POGLUT2: variants seen among roughly 807,000 people sequenced by gnomAD.
The protein encoded by POGLUT2 is ER protein 58.
A neutral mutation model predicts 57.6 loss-of-function variants in POGLUT2; 47 were observed. The ratio of observed to expected loss-of-function variants is 0.82; its 90% CI spans 0.65 to 1.04. The LOEUF is 1.04. Among genes scored for constraint, POGLUT2 ranks in the 50% least tolerant of loss-of-function variants. The pLI, the probability that POGLUT2 is intolerant of heterozygous loss-of-function variation, is 0.00. For missense variants in POGLUT2, 565 were observed against 614.8 expected (o/e 0.92, Z 0.86); for synonymous variants, 200 against 218.8 (o/e 0.91, Z 0.76).
chr13:102,797,143 T>C, intron 1 of POGLUT2, 134 bp from the exon 2 acceptor site: 1 of 619,312 alleles, frequency 1.6e-6, no homozygotes, highest in Non-Finnish European at 2.9e-6. Flanking sequence ...TCTTCTTCTC[T>C]TATGCTTTTA....
In POGLUT2 at chr13:102,789,017, C is replaced by T; in HGVS notation, c.1288G>A (p.Glu430Lys). 2 of 1,613,222 alleles carry T rather than the reference C, an allele frequency of 1.2e-6. No homozygotes were observed. The highest frequency in any genetic ancestry group is 1.3e-5 in the African/African-American group (1 of 75,024). The change falls in exon 7 of 10, where the codon GAA becomes AAA. Residue 430 changes from glutamate to lysine, a missense_variant. By Grantham distance (56) the Glu-to-Lys change is moderately conservative. Coordinates refer to ENST00000376004, the MANE Select transcript of POGLUT2 (RefSeq NM_024089.3). Reference protein sequence around the residue: ...EKLKWAKDHDEEAKKIAKAGQ... With the variant: ...EKLKWAKDHDKEAKKIAKAGQ... Reference sequence around the variant, plus strand: ...TTCAAGGGGACTAACCTTACCTCTTCATCGTGATCTTTCGCCCATTTAAGT... The same window carrying T: ...TTCAAGGGGACTAACCTTACCTCTTTATCGTGATCTTTCGCCCATTTAAGT...
At chr13:102,795,059 C>G (rs879007602) in intron 2 of POGLUT2, among the ~76,000 whole-genome samples, 1 of 150,546 alleles carries the variant, frequency 6.6e-6, no homozygotes, top group Non-Finnish European at 1.5e-5. Context: ...CGAGACCATC[C>G]TGGTCAACAT....
chr13:102,798,391 C>T (rs1387210169), intron 1 of POGLUT2, 98 bp downstream of exon 1: 6 of 1,124,496 alleles, frequency 5.3e-6, no homozygotes, highest in Non-Finnish European at 7.6e-6. Context: ...GGAATATAAA[C>T]TGCTGTGGAG....
At chr13:102,789,891 C>T (rs1023178491) in intron 6 of POGLUT2, among the ~76,000 whole-genome samples, 1 of 152,216 alleles carries the variant, frequency 6.6e-6, no homozygotes, top group Non-Finnish European at 1.5e-5. Flanking sequence ...AGCCATCACG[C>T]CTGGCTAACC....
intron 2 of POGLUT2, 51 bp from the exon 3 acceptor site, chr13:102,793,857 T>C: frequency 6.7e-7 from 1 of 1,483,778 alleles, no homozygotes. Flanking sequence ...CACTCAGCAT[T>C]CGAAACTTGT....
rs529061264 is a variant in POGLUT2 at position 102,796,584 on chromosome 13, C to T, written c.388+220G>A. Among the ~76,000 whole-genome samples the T allele has an allele frequency of 5.3e-5, 8 of 150,010 alleles. No individual in the cohort carries two copies. The East Asian group carries it at 1.2e-3, about 22-fold the overall frequency. On this transcript the variant is annotated intron_variant, in intron 2 of 9. Transcript: ENST00000376004. ...ATTCTCTACTAATATGTTCCTTGCTCTTTAGCAAATCAGAATTTCCGTTCA... is the reference window on the plus strand; with the variant it reads ...ATTCTCTACTAATATGTTCCTTGCTTTTTAGCAAATCAGAATTTCCGTTCA...
chr13:102,790,745 A>C (rs145132192), intron 6 of POGLUT2, among the ~76,000 whole-genome samples, 156 bp downstream of exon 6: 76 of 152,250 alleles, frequency 5.0e-4, no homozygotes, highest in African/African-American at 1.7e-3. Flanking sequence ...CTGGTTGCCA[A>C]AACAGTCCCC....
At chr13:102,798,365 G>A (rs962871041) in intron 1 of POGLUT2, 124 bp downstream of exon 1, 132 of 824,794 alleles carry the variant, frequency 1.6e-4, no homozygotes, top group Non-Finnish European at 2.3e-4. Flanking sequence ...GAGAAAAATG[G>A]GTAACCAAAT....
intron 6 of POGLUT2, among the ~76,000 whole-genome samples, chr13:102,789,504 G>A (rs1215593185): frequency 6.6e-6 from 1 of 152,202 alleles, no homozygotes; most frequent in Non-Finnish European, 1.5e-5. Context: ...AAGGAAGGAT[G>A]GATTCATTTG....
rs200714768 is a variant in POGLUT2 at position 102,784,511 on chromosome 13, G to A, written c.1493C>T (p.Thr498Ile). The A allele has an allele frequency of 1.5e-5, 23 of 1,538,880 alleles. No homozygotes were observed. The highest frequency in any genetic ancestry group is 1.4e-4 in the Admixed American group (8 of 56,158). ...LFPCTCHRKK[T>I]KDEL ...TTTTGCATATCAGAGTTCATCTTTG[G>A]TCTGCAATTAAGAAGCAAAATATTT... Residue 498 changes from threonine (T) to isoleucine (I), a missense_variant and splice_region_variant, in exon 10 of 10, where the codon ACC becomes ATC. By Grantham distance (89) the Thr-to-Ile change is moderately conservative. Transcript: ENST00000376004.
chr13:102,791,292 C>T lies in POGLUT2; in HGVS notation c.811G>A (p.Asp271Asn), dbSNP rs565697033. Residue 271 changes from aspartate (D) to asparagine (N), a missense_variant, in exon 5 of 10, where the codon GAT becomes AAT. Coordinates refer to ENST00000376004, the MANE Select transcript of POGLUT2 (RefSeq NM_024089.3). ...DSKDIVMPTY[D>N]LTDSVLETMG... ...GTTTCCAGAACAGAATCAGTCAAAT[C>T]GTACGTAGGCATCACGATATCCTTG... 3.7e-6 allele frequency: 6 copies of T among 1,607,978 alleles called. No homozygotes were observed. Among genetic ancestry groups the T allele is most frequent in the South Asian group, 2.2e-5 (2 of 89,754 alleles).
At position 102,790,877 on chromosome 13, in the gene POGLUT2, GATTA is replaced by G. The variant is rs1156374913; in HGVS notation, c.1083+20_1083+23del. ...ACAAATACATTAGAAAAACAAAAAA[GATTA>G]GCTACTGATTAAGTCATACCTTGAA... On this transcript the variant is annotated intron_variant, in intron 6 of 9. Transcript: ENST00000376004. 1 of 1,435,222 alleles carries G rather than the reference GATTA, an allele frequency of 7.0e-7. No homozygotes were observed. The highest frequency in any genetic ancestry group is 1.7e-5 in the Admixed American group (1 of 59,320). 88.9% of individuals were successfully genotyped at this position (1,435,222 alleles called of 1,614,324 possible).
In POGLUT2 at chr13:102,786,349, C is replaced by A. The variant is rs1416538457; in HGVS notation, c.1384-10G>T. ...GTAAATTGGCATATTCCTGTTTAAG[C>A]AACAATATAAAAGCATTCCTTATAA... is the stretch of plus-strand genomic sequence containing the variant. On this transcript the variant is annotated splice_polypyrimidine_tract_variant and intron_variant, in intron 8 of 9. Transcript: ENST00000376004. 1 of 1,556,390 alleles carries A rather than the reference C, an allele frequency of 6.4e-7. No homozygotes were observed. The highest frequency in any genetic ancestry group is 8.9e-7 in the Non-Finnish European group (1 of 1,127,456).
intron 8 of POGLUT2, 27 bp downstream of exon 8, chr13:102,787,807 G>C (rs752908430): frequency 8.0e-7 from 1 of 1,255,236 alleles, no homozygotes. Flanking sequence ...TATAAGTTAC[G>C]TGATGATTTT....
rs1361139211 is a variant in POGLUT2, at chr13:102,798,756, C to A, written c.-86G>T. 2 of 1,350,598 alleles carry A rather than the reference C, an allele frequency of 1.5e-6. No individual in the cohort carries two copies. Among genetic ancestry groups the A allele is most frequent in the Non-Finnish European group, 2.0e-6 (2 of 1,016,598 alleles). The allele number at this position is 1,350,598 out of a possible 1,614,324, so 83.7% of individuals were successfully genotyped here. A position where few individuals can be genotyped will look rare whatever the true frequency, so the allele number is the denominator to read the frequency against. ...AAGCAGCCGAGCCTTCGGCAGGGAC[C>A]CGCCGGCCGATCGCAGCAGCCAACG... On this transcript the variant is annotated 5_prime_UTR_variant, in exon 1 of 10. Coordinates refer to ENST00000376004, the MANE Select transcript of POGLUT2 (RefSeq NM_024089.3).
At position 102,793,420 on chromosome 13, in the gene POGLUT2, TAA is replaced by T; in HGVS notation, c.595-4_595-3del. 1 of 1,568,754 alleles carries T rather than the reference TAA, an allele frequency of 6.4e-7. No individual in the cohort carries two copies. Among genetic ancestry groups the T allele is most frequent in the African/African-American group, 1.4e-5 (1 of 73,854 alleles). On this transcript the variant is annotated splice_region_variant and splice_polypyrimidine_tract_variant and intron_variant, in intron 3 of 9. Transcript: ENST00000376004. The stretch of plus-strand genomic sequence containing the variant: ...TTCACCATGAGTCTTGATATAAACC[TAA>T]AAGAGAATTTACCATTTATTATGTT...
At chr13:102,796,393 C>G (rs367787403) in intron 2 of POGLUT2, among the ~76,000 whole-genome samples, 1 of 150,732 alleles carries the variant, frequency 6.6e-6, no homozygotes, top group Non-Finnish European at 1.5e-5. Context: ...AAACAACCAC[C>G]AGTGCGCTCC....
Position 102,798,338 on chromosome 13 carries a change from C to G in POGLUT2, c.182+151G>C, listed in dbSNP as rs544779115. 6.4e-6 allele frequency: 4 copies of G among 626,420 alleles called. No homozygotes were observed. In the South Asian group the frequency reaches 9.7e-5, roughly 15 times the overall value. 38.8% of individuals were successfully genotyped at this position (626,420 alleles called of 1,614,324 possible). On this transcript the variant is annotated intron_variant, in intron 1 of 9. Coordinates refer to ENST00000376004, the MANE Select transcript of POGLUT2 (RefSeq NM_024089.3). ...ATATTGCATATATTATAATTCGGAA[C>G]AATTTCTACAGCTACAGAGAAAAAT...
At position 102,793,613 on chromosome 13, in the gene POGLUT2, T is replaced by C. The variant is rs764425823; in HGVS notation, c.582A>G (p.Leu194=). The change falls in exon 3 of 10, where the codon TTA becomes TTG. Residue 194 remains leucine, a synonymous_variant. Transcript: ENST00000376004. ...GQRQSLCHYT[L]KDNKVYIKTH... ...TCATGTGTTGTACCTTGTTATCCTT[T>C]AAGGTGTAGTGACATAGGCTCTGCC... 15 of 1,613,050 alleles carry C rather than the reference T, an allele frequency of 9.3e-6. No individual in the cohort carries two copies. Among genetic ancestry groups the C allele is most frequent in the Non-Finnish European group, 4.2e-6 (5 of 1,179,200 alleles).
Sources: allele counts gnomAD v4.1 joint callset (sites outside exome capture counted in the v4.1 genomes callset), GRCh38; gene constraint gnomAD v4.1.1; transcripts MANE v1.5; gene names NCBI Gene and HGNC (gene_info 2026-07-23, HGNC 2026-07-21).